PDS5A: variants seen among roughly 807,000 people sequenced by gnomAD.
The protein encoded by PDS5A is PDS5 cohesin associated factor A.
Under a neutral mutation model 167.1 loss-of-function variants are expected in PDS5A, and 42 were observed. That is an observed-to-expected ratio of 0.25 (90% CI 0.20 to 0.33). PDS5A has a LOEUF of 0.33. Ranked by LOEUF, PDS5A falls within the 10% of genes least tolerant of loss-of-function variation. The pLI is 1.00. For missense variants in PDS5A, 1,033 were observed against 1,605.9 expected, an observed-to-expected ratio of 0.64 and a Z score of 6.10; for synonymous variants, 553 against 554.6, an observed-to-expected ratio of 1.00 and a Z score of 0.04.
chr4:39,904,301 A>G, intron 11 of PDS5A, 110 bp from the exon 12 acceptor site: 1 of 552,310 alleles, frequency 1.8e-6, no homozygotes, highest in Non-Finnish European at 3.0e-6. Flanking sequence ...GCCTTTATAA[A>G]CTGGCACACT....
intron 9 of PDS5A, among the ~76,000 whole-genome samples, chr4:39,912,816 CTT>C (rs1174089567): frequency 6.6e-6 from 1 of 152,160 alleles, no homozygotes; most frequent in Non-Finnish European, 1.5e-5. Context: ...ATTCTAAGCT[CTT>C]GAGAAGAAAC....
intron 2 of PDS5A, among the ~76,000 whole-genome samples, chr4:39,937,510 C>A (rs895027705): frequency 1.3e-5 from 2 of 152,130 alleles, no homozygotes; most frequent in Admixed American, 6.6e-5. Context: ...ACCTCCCTGG[C>A]TCAAGTGATC....
chr4:39,881,736 T>G (rs868512601), intron 17 of PDS5A, among the ~76,000 whole-genome samples: 3 of 152,168 alleles, frequency 2.0e-5, no homozygotes, highest in African/African-American at 7.2e-5. Flanking sequence ...TAATCTATTT[T>G]CTCCCCTAAA....
intron 2 of PDS5A, among the ~76,000 whole-genome samples, chr4:39,932,047 CA>C (rs1442949442): frequency 2.6e-5 from 4 of 152,074 alleles, no homozygotes; most frequent in Non-Finnish European, 5.9e-5. Context: ...CACTCGCCAC[CA>C]AGTCTGGCTA....
intron 2 of PDS5A, among the ~76,000 whole-genome samples, chr4:39,961,442 G>A (rs1032367983): frequency 5.3e-5 from 8 of 151,970 alleles, no homozygotes; most frequent in African/African-American, 1.9e-4. Flanking sequence ...TGTATTTTTG[G>A]TAGAGACGGG....
At chr4:39,886,008 T>C (rs1721437637) in intron 17 of PDS5A, among the ~76,000 whole-genome samples, 1 of 152,162 alleles carries the variant, frequency 6.6e-6, no homozygotes, top group South Asian at 2.1e-4. Flanking sequence ...TGTTGAGAGA[T>C]GAGAGATAGC....
intron 2 of PDS5A, among the ~76,000 whole-genome samples, chr4:39,947,691 G>A (rs557522610): frequency 5.3e-5 from 8 of 152,154 alleles, no homozygotes; most frequent in African/African-American, 1.7e-4. Context: ...CACATTCAAA[G>A]CCATCCTGGG....
rs571148267 is a variant in PDS5A, at chr4:39,920,534, A to G, written c.655-135T>C. 2.2e-4 allele frequency: 95 copies of G among 437,758 alleles called. 1 individual carries two copies. In the South Asian group the frequency reaches 4.0e-3, roughly 19 times the overall value. 27.1% of individuals were successfully genotyped at this position (437,758 alleles called of 1,614,324 possible). A position where few individuals can be genotyped will look rare whatever the true frequency, so the allele number is the denominator to read the frequency against. ...ACTAAAATATGAAGCAAAAATAAAA[A>G]TAACTGAGTTCTCTTCAAGGTTTTG... On this transcript the variant is annotated intron_variant, in intron 6 of 32. Coordinates refer to ENST00000303538, the MANE Select transcript of PDS5A (RefSeq NM_001100399.2).
intron 21 of PDS5A, among the ~76,000 whole-genome samples, chr4:39,870,810 CA>C (rs1339509731): frequency 2.0e-5 from 3 of 151,994 alleles, no homozygotes; most frequent in African/African-American, 7.3e-5. Flanking sequence ...ACATGTAACC[CA>C]ACAATGTTAT....
rs1317355364 is a variant in PDS5A at position 39,824,351 on chromosome 4, T to G, written c.*1134A>C. The stretch of plus-strand genomic sequence containing the variant: ...GAAGCATTTATTTTATGCAAAAAAC[T>G]TAAATATGATTATGTGTACACATAA... On this transcript the variant is annotated 3_prime_UTR_variant, in exon 33 of 33. Coordinates refer to ENST00000303538, the MANE Select transcript of PDS5A (RefSeq NM_001100399.2). 2 of 152,118 alleles carry G rather than the reference T, an allele frequency of 1.3e-5. No homozygotes were observed. Among genetic ancestry groups the G allele is most frequent in the Non-Finnish European group, 2.9e-5 (2 of 68,020 alleles). The allele number at this position is 152,118 out of a possible 1,614,324, so 9.4% of individuals were successfully genotyped here. A position where few individuals can be genotyped will look rare whatever the true frequency, so the allele number is the denominator to read the frequency against.
intron 5 of PDS5A, among the ~76,000 whole-genome samples, chr4:39,923,714 A>C (rs1431804582): frequency 6.6e-6 from 1 of 151,500 alleles, no homozygotes; most frequent in African/African-American, 2.4e-5. Context: ...TACATGCCCC[A>C]GATTTTTAAA....
At position 39,930,247 on chromosome 4, in the gene PDS5A, G is replaced by GTTTTTTTTT. The variant is rs1258661213; in HGVS notation, c.139-2084_139-2083insAAAAAAAAA. 3.3e-3 allele frequency among the ~76,000 whole-genome samples: 202 copies of GTTTTTTTTT among 61,836 alleles called. 7 individuals carry two copies. The highest frequency in any genetic ancestry group is 4.6e-3 in the Non-Finnish European group (143 of 30,856). The allele number at this position is 61,836 out of a possible 152,430, so 40.6% of individuals were successfully genotyped here. A position where few individuals can be genotyped will look rare whatever the true frequency, so the allele number is the denominator to read the frequency against. On this transcript the variant is annotated intron_variant, in intron 2 of 32. Coordinates refer to ENST00000303538, the MANE Select transcript of PDS5A (RefSeq NM_001100399.2). ...AAAAAAAAAAAAAAAAAAAAAAAAA[G>GTTTTTTTTT]TTTTTTTGTTTTTTGTTTTTTTTTT...
chr4:39,849,398 C>T, intron 27 of PDS5A, 122 bp downstream of exon 27: 1 of 648,958 alleles, frequency 1.5e-6, no homozygotes, highest in Admixed American at 3.0e-5. Flanking sequence ...TACACATTTA[C>T]TTTTGTAAAC....
chr4:39,944,895 CT>C (rs759761719), intron 2 of PDS5A, among the ~76,000 whole-genome samples: 2 of 151,970 alleles, frequency 1.3e-5, no homozygotes, highest in Non-Finnish European at 2.9e-5. Context: ...ATCCTCTATT[CT>C]TTTTTTCTTT....
At chr4:39,854,812 A>G (rs1218204970) in intron 26 of PDS5A, among the ~76,000 whole-genome samples, 1 of 152,196 alleles carries the variant, frequency 6.6e-6, no homozygotes, top group Non-Finnish European at 1.5e-5. Flanking sequence ...TTTGTTAAGG[A>G]AATATGAACA....
intron 16 of PDS5A, among the ~76,000 whole-genome samples, chr4:39,897,627 A>C (rs1722532375): frequency 6.6e-6 from 1 of 152,012 alleles, no homozygotes; most frequent in South Asian, 2.1e-4. Context: ...TCGAACTCCC[A>C]ACCTCAGGTG....
At position 39,829,578 on chromosome 4, in the gene PDS5A, T is replaced by C. The variant is rs111371362; in HGVS notation, c.4011-4090A>G. ...AGAAAAATTGCTTTAATCCAGGAGG[T>C]GGAGGTCGCAGTGAGCCAAGACTGC... On this transcript the variant is annotated intron_variant, in intron 32 of 32. Coordinates refer to ENST00000303538, the MANE Select transcript of PDS5A (RefSeq NM_001100399.2). 1.6e-3 allele frequency among the ~76,000 whole-genome samples: 240 copies of C among 147,378 alleles called. 3 individuals are homozygous for C. Among genetic ancestry groups the C allele is most frequent in the African/African-American group, 5.8e-3 (228 of 39,568 alleles).
chr4:39,874,922 T>A (rs1456337247), intron 19 of PDS5A, among the ~76,000 whole-genome samples: 1 of 152,228 alleles, frequency 6.6e-6, no homozygotes, highest in East Asian at 1.9e-4. Context: ...CTAACTATTA[T>A]GTGCCAGGCA....
At chr4:39,935,401 C>T (rs745771316) in intron 2 of PDS5A, among the ~76,000 whole-genome samples, 6 of 152,118 alleles carry the variant, frequency 3.9e-5, no homozygotes, top group Admixed American at 1.3e-4. Flanking sequence ...TCTGGCCTTC[C>T]GATGTGTTCT....
Sources: gnomAD v4.1 joint callset for allele counts (sites outside exome capture counted in the v4.1 genomes callset) on GRCh38, gnomAD v4.1.1 for gene constraint, MANE v1.5 for transcripts, NCBI Gene and HGNC (gene_info 2026-07-23, HGNC 2026-07-21) for gene names.